The following ZZEF1 variants were observed in gnomAD, a reference collection of about 807,000 sequenced individuals.
ZZEF1 encodes the protein zinc finger ZZ-type and EF-hand domain-containing protein 1.
A neutral mutation model predicts 342.8 loss-of-function variants in ZZEF1; 157 were observed. That is an observed-to-expected ratio of 0.46 (90% confidence interval 0.40 to 0.52). The LOEUF is 0.52. ZZEF1 is among the 20% of genes least tolerant of loss of function. The pLI is 0.00. For synonymous variants in ZZEF1, 1,505 were observed against 1,429.1 expected (o/e 1.05, Z -1.20); for missense variants, 3,480 against 3,725.6 (o/e 0.93, Z 1.72).
Position 4,086,631 on chromosome 17 carries a change from G to A in ZZEF1, c.2367C>T (p.Ala789=), listed in dbSNP as rs756661416. The part of the protein sequence containing the change: ...KQNPREECVS[A]QTLLLQLLQS... Reference sequence around the variant, plus strand: ...GGAGTAGCTGCAGAAGCAGGGTTTGGGCAGAGACGCATTCTTCCCTCGGGC... The same window carrying A: ...GGAGTAGCTGCAGAAGCAGGGTTTGAGCAGAGACGCATTCTTCCCTCGGGC... Residue 789 remains alanine (A), a synonymous_variant, in exon 15 of 55, where the codon GCC becomes GCT. Coordinates refer to ENST00000381638, the MANE Select transcript of ZZEF1 (RefSeq NM_015113.4). 3.7e-6 allele frequency: 6 copies of A among 1,613,844 alleles called. No individual in the cohort carries two copies. Among genetic ancestry groups the A allele is most frequent in the Non-Finnish European group, 4.2e-6 (5 of 1,180,024 alleles).
chr17:4,104,141 G>C (rs192874660), intron 8 of ZZEF1, among the ~76,000 whole-genome samples: 7 of 152,280 alleles, frequency 4.6e-5, no homozygotes, highest in Admixed American at 1.3e-4. Flanking sequence ...AGGCCCAAGG[G>C]GGGAAAGCAG....
rs60313010 is a variant in ZZEF1, at chr17:4,123,155, C to T, written c.499+752G>A. On this transcript the variant is annotated intron_variant, in intron 2 of 54. Transcript: ENST00000381638. ...CAGAATGATCTCGATCTCCTGACCT[C>T]GTGATCCGCCCGCCTCGGCCTCCCA... is the stretch of plus-strand genomic sequence containing the variant. Among the ~76,000 whole-genome samples, 148 of 149,476 alleles carry T rather than the reference C, an allele frequency of 9.9e-4. 2 individuals are homozygous for T. The highest frequency in any genetic ancestry group is 3.3e-3 in the African/African-American group (136 of 40,898).
Position 4,108,491 on chromosome 17 carries a change from G to A in ZZEF1, c.1277+1162C>T, listed in dbSNP as rs116789832. Among the ~76,000 whole-genome samples the A allele has an allele frequency of 8.5e-3, 1,293 of 152,332 alleles. 17 individuals are homozygous for A. The highest frequency in any genetic ancestry group is 0.03 in the African/African-American group (1,234 of 41,578). On this transcript the variant is annotated intron_variant, in intron 6 of 54. Coordinates refer to ENST00000381638, the MANE Select transcript of ZZEF1 (RefSeq NM_015113.4). The stretch of plus-strand genomic sequence containing the variant: ...AACTAAAGAGAAAGGACAAAGAAAT[G>A]CAGAGTGTTTCGCTGGATCCTTTTG...
In ZZEF1 at chr17:4,019,657, A is replaced by T; in HGVS notation, c.7505+12T>A. ...CCTGGCCACACTTCAGCTGCACGGA[A>T]ATGTCCCTTACCTCTTCTGAACCTC... On this transcript the variant is annotated intron_variant, in intron 46 of 54. Transcript: ENST00000381638. 1 of 1,608,770 alleles carries T rather than the reference A, an allele frequency of 6.2e-7. No homozygotes were observed. Among genetic ancestry groups the T allele is most frequent in the Non-Finnish European group, 8.5e-7 (1 of 1,177,408 alleles).
intron 45 of ZZEF1, 59 bp from the exon 46 acceptor site, chr17:4,019,828 A>T: frequency 7.6e-7 from 1 of 1,317,532 alleles, no homozygotes; most frequent in African/African-American, 1.5e-5. Context: ...TACGGTATTG[A>T]TCAACTGAAC....
intron 35 of ZZEF1, among the ~76,000 whole-genome samples, chr17:4,051,664 C>A (rs2057048507): frequency 6.6e-6 from 1 of 151,570 alleles, no homozygotes; most frequent in Admixed American, 6.6e-5. Context: ...CAGGAGTTCG[C>A]CTCGGCCTCT....
chr17:4,021,232 C>T lies in ZZEF1; in HGVS notation c.7301G>A (p.Arg2434Gln), dbSNP rs546544114. Reference protein sequence around the residue: ...GDLELDERGDREEEVERPVSS... With the variant: ...GDLELDERGDQEEEVERPVSS... ...GACTGGCCGTTCCACCTCTTCCTCT[C>T]GGTCCCCTCGCTCATCCAGCTCTAG... Residue 2434 changes from arginine to glutamine, a missense_variant, in exon 45 of 55, where the codon CGA (arginine) becomes CAA (glutamine). Physicochemically the swap from Arg to Gln is conservative, Grantham distance 43. Coordinates refer to ENST00000381638, the MANE Select transcript of ZZEF1 (RefSeq NM_015113.4). The T allele has an allele frequency of 5.0e-5, 80 of 1,614,232 alleles. No individual in the cohort carries two copies. Among genetic ancestry groups the T allele is most frequent in the Middle Eastern group, 1.6e-4 (1 of 6,062 alleles).
chr17:4,074,337 C>T lies in ZZEF1; in HGVS notation c.3498G>A (p.Lys1166=). 6.2e-7 allele frequency: 1 copy of T among 1,614,152 alleles called. No individual in the cohort carries two copies. The highest frequency in any genetic ancestry group is 8.5e-7 in the Non-Finnish European group (1 of 1,180,044). ...AGAGGAACTGCAACCGAGGACCGGCCTTGAAGGTCACTTTCTAGAGACAAA... is the reference window on the plus strand; with the variant it reads ...AGAGGAACTGCAACCGAGGACCGGCTTTGAAGGTCACTTTCTAGAGACAAA... ...TDKWPKKVTF[K]AGPRLQFLFH... The change falls in exon 24 of 55, where the codon AAG becomes AAA. Residue 1166 remains lysine, a synonymous_variant. Transcript: ENST00000381638.
chr17:4,103,226 A>T (rs1403975568), intron 8 of ZZEF1, among the ~76,000 whole-genome samples: 1 of 152,174 alleles, frequency 6.6e-6, no homozygotes, highest in Non-Finnish European at 1.5e-5. Context: ...TAACTTAAAA[A>T]TTTAAACAGG....
intron 13 of ZZEF1, among the ~76,000 whole-genome samples, chr17:4,087,824 AC>A (rs1420765363): frequency 9.4e-5 from 13 of 137,924 alleles, no homozygotes; most frequent in African/African-American, 3.4e-4. Context: ...ACACACACAC[AC>A]ATCCATGAAC....
rs773507829 is a variant in ZZEF1 at position 4,058,172 on chromosome 17, G to T, written c.5004-17C>A. On this transcript the variant is annotated splice_polypyrimidine_tract_variant and intron_variant, in intron 31 of 54. Transcript: ENST00000381638. ...AGCAAGGACCTAAAGGGCCATGAAA[G>T]TGACCATTAGCAGAGCTGCTTACTC... The T allele has an allele frequency of 3.1e-6, 5 of 1,605,374 alleles. No individual in the cohort carries two copies. Among genetic ancestry groups the T allele is most frequent in the Non-Finnish European group, 8.5e-7 (1 of 1,175,702 alleles).
intron 4 of ZZEF1, among the ~76,000 whole-genome samples, chr17:4,113,347 C>G (rs1482270346): frequency 2.0e-5 from 3 of 152,310 alleles, no homozygotes; most frequent in Non-Finnish European, 2.9e-5. Flanking sequence ...CACACTATTT[C>G]TTCTTCTAAA....
At chr17:4,051,162 AT>A (rs1207566756) in intron 35 of ZZEF1, 119 bp from the exon 36 acceptor site, 3 of 1,315,288 alleles carry the variant, frequency 2.3e-6, no homozygotes, top group Non-Finnish European at 3.2e-6. Context: ...CACCTCTAGG[AT>A]GCGCTTACTG....
intron 1 of ZZEF1, among the ~76,000 whole-genome samples, chr17:4,137,468 C>G (rs369426570): frequency 6.6e-6 from 1 of 152,098 alleles, no homozygotes; most frequent in Non-Finnish European, 1.5e-5. Context: ...AAAAATTAGC[C>G]GGGCGTGGTG....
Position 4,059,241 on chromosome 17 carries a change from G to C in ZZEF1, c.4933C>G (p.Arg1645Gly), listed in dbSNP as rs1262131601. 5.6e-6 allele frequency: 9 copies of C among 1,607,628 alleles called. No individual in the cohort carries two copies. Among genetic ancestry groups the C allele is most frequent in the Middle Eastern group, 3.3e-4 (2 of 6,056 alleles). ...AGAACAAGTTGATAGTAAGTGTCTC[G>C]AATTTCTTTGTGTAGATCAGCACCA... Reference protein sequence around the residue: ...GCGADLHKEIRDTYYQLVLFL... With the variant: ...GCGADLHKEIGDTYYQLVLFL... Residue 1645 changes from arginine (R) to glycine (G), a missense_variant, in exon 31 of 55, where the codon CGA becomes GGA. Arg to Gly is a moderately radical substitution (Grantham distance 125, BLOSUM62 -2). This residue lies in a region of ZZEF1 where 1,528 missense variants were observed against 1,624.1 expected (regional missense o/e 0.94). Transcript: ENST00000381638.
Position 4,025,132 on chromosome 17 carries a change from T to C in ZZEF1, c.6893-14A>G, listed in dbSNP as rs770464684. The C allele has an allele frequency of 1.2e-6, 2 of 1,613,468 alleles. No homozygotes were observed. The highest frequency in any genetic ancestry group is 1.7e-6 in the Non-Finnish European group (2 of 1,179,712). On this transcript the variant is annotated splice_polypyrimidine_tract_variant and intron_variant, in intron 42 of 54. Transcript: ENST00000381638. Reference sequence around the variant, plus strand: ...GGTAGTCCTTCACTGAAGGGTGACATCAGGCAGAAAAAGAAAGGCACAAAA... The same window carrying C: ...GGTAGTCCTTCACTGAAGGGTGACACCAGGCAGAAAAAGAAAGGCACAAAA...
intron 29 of ZZEF1, 124 bp downstream of exon 29, chr17:4,064,237 A>T (rs2057344870): frequency 1.2e-6 from 1 of 830,380 alleles, no homozygotes; most frequent in Non-Finnish European, 1.8e-6. Context: ...GAATATTCTA[A>T]AACAAGTCTT....
intron 39 of ZZEF1, among the ~76,000 whole-genome samples, chr17:4,042,156 G>T (rs1376732052): frequency 2.6e-5 from 4 of 151,966 alleles, no homozygotes; most frequent in Non-Finnish European, 4.4e-5. Context: ...TTCATTCATT[G>T]TTCTTTGAAG....
intron 6 of ZZEF1, 108 bp from the exon 7 acceptor site, chr17:4,105,917 G>A (rs2058204864): frequency 1.2e-6 from 1 of 831,218 alleles, no homozygotes; most frequent in Non-Finnish European, 1.9e-6. Flanking sequence ...AACAGACAGT[G>A]TTCCCACAGA....
Sources: allele counts gnomAD v4.1 joint callset (sites outside exome capture counted in the v4.1 genomes callset), GRCh38; gene constraint gnomAD v4.1.1; regional missense constraint gnomAD v4.1.1; transcripts MANE v1.5; gene names NCBI Gene and HGNC (gene_info 2026-07-23, HGNC 2026-07-21).